The following RBMS3 variants were observed in gnomAD, a reference collection of about 807,000 sequenced individuals.
The protein encoded by RBMS3 is RNA-binding motif, single-stranded-interacting protein 3.
A neutral mutation model predicts 66.8 loss-of-function variants in RBMS3; 27 were observed. That is an observed-to-expected ratio of 0.40 (90% CI 0.30 to 0.56). The LOEUF (loss-of-function observed/expected upper bound fraction) is 0.56. Ranked by LOEUF, RBMS3 falls within the 20% of genes least tolerant of loss-of-function variation. RBMS3 has a pLI of 0.40. For missense variants in RBMS3, 513 were observed against 549.5 expected (o/e 0.93, Z 0.66); for synonymous variants, 188 against 183.0 (o/e 1.03, Z -0.22).
At chr3:29,587,234 T>TTTTTTG (rs2047555481) in intron 4 of RBMS3, 29 bp downstream of exon 4, 1 of 725,304 alleles carries the variant, frequency 1.4e-6, no homozygotes, top group Non-Finnish European at 1.9e-6. Context: ...GGTGTTTTTT[T>TTTTTTG]TTTTTTTTTT....
chr3:29,664,902 G>A (rs1200476322), intron 4 of RBMS3, among the ~76,000 whole-genome samples: 3 of 151,994 alleles, frequency 2.0e-5, no homozygotes, highest in Non-Finnish European at 2.9e-5. Flanking sequence ...TCTGTACAGT[G>A]CAAGAATCCA....
chr3:29,866,886 T>G (rs1282047020), intron 6 of RBMS3, among the ~76,000 whole-genome samples: 1 of 152,146 alleles, frequency 6.6e-6, no homozygotes, highest in African/African-American at 2.4e-5. Flanking sequence ...GAAAAACCAC[T>G]TGTGTTCAGT....
At chr3:29,767,091 A>C (rs938558614) in intron 6 of RBMS3, 6 of 151,848 alleles carry the variant, frequency 4.0e-5, no homozygotes, top group Admixed American at 6.6e-5. Flanking sequence ...AAAGTGTTCC[A>C]TTTTCAAATC....
intron 4 of RBMS3, among the ~76,000 whole-genome samples, chr3:29,622,420 T>C (rs528503441): frequency 1.2e-4 from 18 of 152,346 alleles, no homozygotes; most frequent in African/African-American, 3.6e-4. Flanking sequence ...AGAGTGTGCA[T>C]GGGCAATTAG....
chr3:29,483,545 G>A (rs1212861658), intron 2 of RBMS3, among the ~76,000 whole-genome samples: 3 of 152,044 alleles, frequency 2.0e-5, no homozygotes, highest in African/African-American at 7.2e-5. Flanking sequence ...AGCAACCTGT[G>A]TTGATAAGCC....
chr3:29,884,055 T>C, intron 7 of RBMS3, 107 bp from the exon 8 acceptor site: 1 of 983,752 alleles, frequency 1.0e-6, no homozygotes, highest in Non-Finnish European at 1.5e-6. Flanking sequence ...GAAAATAAAC[T>C]TAGATCATGG....
chr3:29,703,027 G>A (rs1416790967), intron 4 of RBMS3, among the ~76,000 whole-genome samples: 2 of 152,182 alleles, frequency 1.3e-5, no homozygotes, highest in Non-Finnish European at 2.9e-5. Context: ...ATTATTAGAT[G>A]TATCTAATAC....
chr3:29,386,459 T>G (rs2039012334), intron 1 of RBMS3, among the ~76,000 whole-genome samples: 1 of 152,180 alleles, frequency 6.6e-6, no homozygotes, highest in Admixed American at 6.5e-5. Flanking sequence ...ACTACCAACA[T>G]GTATATCCTT....
At chr3:29,735,041 G>A (rs891164001) in intron 4 of RBMS3, among the ~76,000 whole-genome samples, 16 of 152,150 alleles carry the variant, frequency 1.1e-4, no homozygotes, top group African/African-American at 3.8e-4. Context: ...TTGTTGTTAA[G>A]TTTTAAAATT....
chr3:29,586,942 A>G (rs1017639927), intron 3 of RBMS3, among the ~76,000 whole-genome samples, 172 bp from the exon 4 acceptor site: 1 of 152,114 alleles, frequency 6.6e-6, no homozygotes, highest in East Asian at 1.9e-4. Context: ...AGACATTATG[A>G]TGTTATCTCT....
chr3:29,763,437 A>G (rs1156614534), intron 6 of RBMS3, among the ~76,000 whole-genome samples: 1 of 152,084 alleles, frequency 6.6e-6, no homozygotes, highest in Non-Finnish European at 1.5e-5. Flanking sequence ...AGAAACTAGT[A>G]TAGCGATTTG....
At chr3:29,400,795 G>T (rs2039775126) in intron 1 of RBMS3, among the ~76,000 whole-genome samples, 1 of 152,012 alleles carries the variant, frequency 6.6e-6, no homozygotes, top group South Asian at 2.1e-4. Context: ...CAGGTGAAAT[G>T]ATTGGGGCGA....
At chr3:29,473,458 C>T (rs893134598) in intron 2 of RBMS3, among the ~76,000 whole-genome samples, 7 of 152,262 alleles carry the variant, frequency 4.6e-5, no homozygotes, top group African/African-American at 7.2e-5. Flanking sequence ...GGATCCCGCA[C>T]GGAGGCCGCA....
chr3:29,839,912 A>G (rs924691978), intron 6 of RBMS3, among the ~76,000 whole-genome samples: 3 of 152,180 alleles, frequency 2.0e-5, no homozygotes, highest in Admixed American at 1.3e-4. Context: ...TTCAATATAT[A>G]ATCTTACTAT....
chr3:29,344,122 T>C (rs1315169750), intron 1 of RBMS3, among the ~76,000 whole-genome samples: 1 of 152,152 alleles, frequency 6.6e-6, no homozygotes, highest in Non-Finnish European at 1.5e-5. Context: ...CCTTTTCTCC[T>C]CCCTCCCTCC....
rs1427388058 is a variant in RBMS3, at chr3:30,007,272, T to C, written c.*3410T>C. 2 of 152,140 alleles carry C rather than the reference T, an allele frequency of 1.3e-5. No individual in the cohort carries two copies. The highest frequency in any genetic ancestry group is 4.8e-5 in the African/African-American group (2 of 41,432). 9.4% of individuals were successfully genotyped at this position (152,140 alleles called of 1,614,324 possible). Reference sequence around the variant, plus strand: ...TGTAGTGATTTGTTTGTTTGTTTGTTTGAGACGGAGTCTCGCTCTGTCGCC... The same window carrying C: ...TGTAGTGATTTGTTTGTTTGTTTGTCTGAGACGGAGTCTCGCTCTGTCGCC... On this transcript the variant is annotated 3_prime_UTR_variant, in exon 15 of 15. Transcript: ENST00000383767.
In RBMS3 at chr3:30,007,699, T is replaced by G. The variant is rs1699841981; in HGVS notation, c.*3837T>G. The G allele has an allele frequency of 6.6e-6, 1 of 152,068 alleles. No individual in the cohort carries two copies. Among genetic ancestry groups the G allele is most frequent in the Non-Finnish European group, 1.5e-5 (1 of 67,958 alleles). The allele number at this position is 152,068 out of a possible 1,614,324, so 9.4% of individuals were successfully genotyped here. A position where few individuals can be genotyped will look rare whatever the true frequency, so the allele number is the denominator to read the frequency against. ...TTTGTCCTTGAATGCTGACATGTCT[T>G]GAATATTGCAAATGTCATAATACTC... On this transcript the variant is annotated 3_prime_UTR_variant, in exon 15 of 15. Coordinates refer to ENST00000383767, the MANE Select transcript of RBMS3 (RefSeq NM_001003793.3).
chr3:29,856,474 G>A (rs187807567), intron 6 of RBMS3, among the ~76,000 whole-genome samples: 2 of 152,278 alleles, frequency 1.3e-5, no homozygotes, highest in East Asian at 1.9e-4. Flanking sequence ...GACATTGGAT[G>A]GCCTTTTGTG....
chr3:29,457,399 A>G (rs972297530), intron 2 of RBMS3, among the ~76,000 whole-genome samples: 5 of 152,050 alleles, frequency 3.3e-5, no homozygotes, highest in African/African-American at 1.2e-4. Flanking sequence ...CAACCATATA[A>G]TTTTACCGGT....
Sources: allele counts gnomAD v4.1 joint callset (sites outside exome capture counted in the v4.1 genomes callset), GRCh38; gene constraint gnomAD v4.1.1; transcripts MANE v1.5; gene names NCBI Gene and HGNC (gene_info 2026-07-23, HGNC 2026-07-21).